SPPL3: variants seen among roughly 807,000 people sequenced by gnomAD.
The protein encoded by SPPL3 is signal peptide peptidase like 3, also known as signal peptide peptidase-like 3.
In SPPL3, 5 loss-of-function variants were observed where a neutral mutation model predicts 42.4. The ratio of observed to expected loss-of-function variants is 0.12; its 90% confidence interval spans 0.06 to 0.25. The LOEUF is 0.25. Among genes scored for constraint, SPPL3 ranks in the 10% least tolerant of loss-of-function variants. The probability of loss-of-function intolerance (pLI) is 1.00; values close to 1 mark genes in which losing one functional copy is unlikely to be tolerated. For missense variants in SPPL3, 235 were observed against 489.0 expected (o/e 0.48, Z 4.90); for synonymous variants, 195 against 181.8 (o/e 1.07, Z -0.58).
intron 1 of SPPL3, among the ~76,000 whole-genome samples, chr12:120,877,377 C>G (rs1481104187): frequency 6.6e-6 from 1 of 151,716 alleles, no homozygotes; most frequent in East Asian, 1.9e-4. Context: ...CCAGCATTAC[C>G]CTGATACCAA....
At chr12:120,858,701 C>T (rs1872538781) in intron 1 of SPPL3, among the ~76,000 whole-genome samples, 1 of 152,026 alleles carries the variant, frequency 6.6e-6, no homozygotes, top group Admixed American at 6.5e-5. Flanking sequence ...TATAGAAAAA[C>T]AGGCAAAGAA....
chr12:120,892,815 T>A (rs1873682976), intron 1 of SPPL3, among the ~76,000 whole-genome samples: 1 of 151,428 alleles, frequency 6.6e-6, no homozygotes, highest in Non-Finnish European at 1.5e-5. Flanking sequence ...ACCCCGTCTC[T>A]ACTAAAAATA....
chr12:120,844,491 C>T (rs1053022207), intron 1 of SPPL3, among the ~76,000 whole-genome samples: 1 of 152,164 alleles, frequency 6.6e-6, no homozygotes, highest in Non-Finnish European at 1.5e-5. Context: ...GTCTACCTAT[C>T]TGATCTCAAT....
At chr12:120,783,860 C>A in intron 4 of SPPL3, 108 bp from the exon 5 acceptor site, 1 of 876,708 alleles carries the variant, frequency 1.1e-6, no homozygotes, top group Non-Finnish European at 1.8e-6. Flanking sequence ...GGTTAATTGA[C>A]TAGAGAAGAA....
At position 120,764,689 on chromosome 12, in the gene SPPL3, T is replaced by C. The variant is rs193103301; in HGVS notation, c.*310A>G. 328 of 398,630 alleles carry C rather than the reference T, an allele frequency of 8.2e-4. 2 individuals are homozygous for C. In the Admixed American group the frequency reaches 9.7e-3, roughly 12 times the overall value. The allele number at this position is 398,630 out of a possible 1,614,324, so 24.7% of individuals were successfully genotyped here. A position where few individuals can be genotyped will look rare whatever the true frequency, so the allele number is the denominator to read the frequency against. Reference sequence around the variant, plus strand: ...TGTTTTCAGTTTTTAAACAGTCAAATCTCCATCTCCCCCAGAAGGTAACAG... The same window carrying C: ...TGTTTTCAGTTTTTAAACAGTCAAACCTCCATCTCCCCCAGAAGGTAACAG... On this transcript the variant is annotated 3_prime_UTR_variant, in exon 11 of 11. Coordinates refer to ENST00000353487, the MANE Select transcript of SPPL3 (RefSeq NM_139015.5).
chr12:120,813,286 T>A (rs1004328850), intron 1 of SPPL3, among the ~76,000 whole-genome samples: 2 of 151,606 alleles, frequency 1.3e-5, no homozygotes, highest in African/African-American at 4.8e-5. Flanking sequence ...GACACTGCTG[T>A]GGTCTATAAT....
chr12:120,789,222 C>T (rs1869824292), intron 3 of SPPL3, among the ~76,000 whole-genome samples: 1 of 146,282 alleles, frequency 6.8e-6, no homozygotes, highest in Admixed American at 6.8e-5. Context: ...GGGAGGCCAA[C>T]ACTGGAGGAT....
chr12:120,835,406 A>G (rs989389193), intron 1 of SPPL3: 1 of 152,252 alleles, frequency 6.6e-6, no homozygotes, highest in African/African-American at 2.4e-5. Flanking sequence ...AATCTAGGCA[A>G]GCTTGTTCGT....
intron 1 of SPPL3, among the ~76,000 whole-genome samples, chr12:120,823,950 A>G (rs1871159689): frequency 6.6e-6 from 1 of 151,548 alleles, no homozygotes; most frequent in South Asian, 2.1e-4. Context: ...AGCTCACTGC[A>G]AGCTCCGCCT....
chr12:120,787,428 T>C (rs1303533919), intron 3 of SPPL3, among the ~76,000 whole-genome samples: 1 of 152,144 alleles, frequency 6.6e-6, no homozygotes, highest in Admixed American at 6.5e-5. Context: ...TAAATTTCTA[T>C]ATTGGCTTCT....
At chr12:120,797,479 CTG>C (rs1485798761) in intron 2 of SPPL3, among the ~76,000 whole-genome samples, 3 of 152,208 alleles carry the variant, frequency 2.0e-5, no homozygotes, top group East Asian at 1.9e-4. Flanking sequence ...TTGAAAACTG[CTG>C]TGTTATGAGG....
chr12:120,824,656 A>C (rs771894893), intron 1 of SPPL3, among the ~76,000 whole-genome samples: 1 of 152,046 alleles, frequency 6.6e-6, no homozygotes, highest in Non-Finnish European at 1.5e-5. Flanking sequence ...TCAGCCTCCT[A>C]AGTAGCTGGG....
At chr12:120,860,290 A>G (rs1340916770) in intron 1 of SPPL3, among the ~76,000 whole-genome samples, 2 of 152,218 alleles carry the variant, frequency 1.3e-5, no homozygotes, top group East Asian at 1.9e-4. Context: ...TGGCTCACCA[A>G]TGGAGGTCCA....
intron 1 of SPPL3, among the ~76,000 whole-genome samples, chr12:120,848,221 T>C (rs1467212678): frequency 6.6e-6 from 1 of 152,170 alleles, no homozygotes; most frequent in Non-Finnish European, 1.5e-5. Context: ...TAAATACAAC[T>C]ATAAGCAAAG....
At chr12:120,845,264 A>C in intron 1 of SPPL3, 1 of 386,750 alleles carries the variant, frequency 2.6e-6, no homozygotes. Context: ...ACGGCATTGG[A>C]GAGGTCCTGC....
chr12:120,889,316 A>C (rs774925658), intron 1 of SPPL3, among the ~76,000 whole-genome samples: 4 of 152,228 alleles, frequency 2.6e-5, no homozygotes, highest in Admixed American at 6.5e-5. Context: ...TTAATTCCTC[A>C]TCCTTTCCAG....
intron 1 of SPPL3, among the ~76,000 whole-genome samples, chr12:120,891,093 C>T (rs1873625441): frequency 6.6e-6 from 1 of 152,184 alleles, no homozygotes; most frequent in South Asian, 2.1e-4. Context: ...CTCTAACCTT[C>T]GCCTCTGCTT....
chr12:120,848,426 G>A (rs1872115920), intron 1 of SPPL3, among the ~76,000 whole-genome samples: 1 of 152,134 alleles, frequency 6.6e-6, no homozygotes, highest in South Asian at 2.1e-4. Context: ...ATGGCAGGGA[G>A]CCCAAGAAGG....
At chr12:120,843,983 T>TAAAAC (rs948676513) in intron 1 of SPPL3, among the ~76,000 whole-genome samples, 15 of 149,034 alleles carry the variant, frequency 1.0e-4, no homozygotes, top group East Asian at 3.9e-4. Flanking sequence ...TAACATAACA[T>TAAAAC]AAAACAAAAC....
Sources: gnomAD v4.1 joint callset for allele counts (sites outside exome capture counted in the v4.1 genomes callset) on GRCh38, gnomAD v4.1.1 for gene constraint, MANE v1.5 for transcripts, NCBI Gene and HGNC (gene_info 2026-07-23, HGNC 2026-07-21) for gene names.